Variants in MINDY2 observed in about 807,000 individuals in gnomAD.
The protein encoded by MINDY2 is MINDY lysine 48 deubiquitinase 2.
MINDY2 carries 52 observed loss-of-function variants against 68.2 expected under a neutral mutation model. The ratio of observed to expected loss-of-function variants is 0.76; its 90% CI spans 0.61 to 0.96. MINDY2 has a LOEUF of 0.96. MINDY2 is among the 40% of genes least tolerant of loss of function. MINDY2 has a pLI of 0.00. For synonymous variants in MINDY2, 372 were observed against 303.0 expected, an observed-to-expected ratio of 1.23 and a Z score of -2.36; for missense variants, 881 against 773.4, an observed-to-expected ratio of 1.14 and a Z score of -1.65.
intron 2 of MINDY2, among the ~76,000 whole-genome samples, chr15:58,791,830 G>A (rs1413765498): frequency 2.6e-5 from 4 of 152,060 alleles, no homozygotes; most frequent in African/African-American, 4.8e-5. Flanking sequence ...GATTGGGTGA[G>A]ATCATTAAGG....
In MINDY2 at chr15:58,788,887, C is replaced by T. The variant is rs1901686758; in HGVS notation, c.898+924C>T. On this transcript the variant is annotated intron_variant, in intron 2 of 8. Transcript: ENST00000559228. ...ATTAGCCAGGCGTGGTGTCATGCAC[C>T]TATAGTCCCAACTATTCGGGAGGCT... is the stretch of plus-strand genomic sequence containing the variant. Among the ~76,000 whole-genome samples, 3 of 152,118 alleles carry T rather than the reference C, an allele frequency of 2.0e-5. No individual in the cohort carries two copies. In the South Asian group the frequency reaches 6.2e-4, roughly 31 times the overall value.
At chr15:58,832,429 A>G (rs1051297643) in intron 6 of MINDY2, among the ~76,000 whole-genome samples, 3 of 151,288 alleles carry the variant, frequency 2.0e-5, no homozygotes, top group Middle Eastern at 3.6e-3. Context: ...GGGTTTCTCC[A>G]TGTTGGTCAG....
rs2033169955 is a variant in MINDY2 at position 58,859,933 on chromosome 15, G to C, written c.*5323G>C. Reference sequence around the variant, plus strand: ...GTTTTGTCCTATTGTCCTGAGAAAGGAGATTTAGACTTGTCTGCCTAACAC... The same window carrying C: ...GTTTTGTCCTATTGTCCTGAGAAAGCAGATTTAGACTTGTCTGCCTAACAC... On this transcript the variant is annotated 3_prime_UTR_variant, in exon 9 of 9. Coordinates refer to ENST00000559228, the MANE Select transcript of MINDY2 (RefSeq NM_001040450.3). The C allele has an allele frequency of 6.6e-6, 1 of 152,110 alleles. No homozygotes were observed. Among genetic ancestry groups the C allele is most frequent in the Admixed American group, 6.5e-5 (1 of 15,276 alleles). 9.4% of individuals were successfully genotyped at this position (152,110 alleles called of 1,614,324 possible).
chr15:58,847,121 G>A (rs189098403), intron 6 of MINDY2, among the ~76,000 whole-genome samples, 176 bp from the exon 7 acceptor site: 2 of 152,266 alleles, frequency 1.3e-5, no homozygotes, highest in South Asian at 2.1e-4. Context: ...ATTCAAAGCC[G>A]AGTGGATTTG....
rs1464377781 is a variant in MINDY2 at position 58,771,910 on chromosome 15, G to T, written c.515G>T (p.Ser172Ile). Residue 172 changes from serine to isoleucine, a missense_variant, in exon 1 of 9, where the codon AGC (serine) becomes ATC (isoleucine). Ser to Ile is a moderately radical substitution (Grantham distance 142). Coordinates refer to ENST00000559228, the MANE Select transcript of MINDY2 (RefSeq NM_001040450.3). ...CCGAGCCCTCCTGGGGAATCTCCGA[G>T]CCTGGACTCTCTGGAGTCGTTCTCT... is the stretch of plus-strand genomic sequence containing the variant. ...SDPSPPGESP[S>I]LDSLESFSNL... The T allele has an allele frequency of 3.2e-6, 5 of 1,559,250 alleles. No homozygotes were observed. Among genetic ancestry groups the T allele is most frequent in the Non-Finnish European group, 4.3e-6 (5 of 1,154,398 alleles).
chr15:58,810,155 T>C, intron 3 of MINDY2, 75 bp from the exon 4 acceptor site: 1 of 1,277,552 alleles, frequency 7.8e-7, no homozygotes, highest in South Asian at 1.5e-5. Flanking sequence ...AAAGTAAATG[T>C]GCTTGTACTT....
At position 58,857,206 on chromosome 15, in the gene MINDY2, A is replaced by C. The variant is rs559469584; in HGVS notation, c.*2596A>C. The stretch of plus-strand genomic sequence containing the variant: ...GAAAGATGAAATGTTCAATTGTATT[A>C]AAACAAACAAGCTTTTCAGAGATAC... On this transcript the variant is annotated 3_prime_UTR_variant, in exon 9 of 9. Coordinates refer to ENST00000559228, the MANE Select transcript of MINDY2 (RefSeq NM_001040450.3). 1 of 152,316 alleles carries C rather than the reference A, an allele frequency of 6.6e-6. No individual in the cohort carries two copies. Among genetic ancestry groups the C allele is most frequent in the African/African-American group, 2.4e-5 (1 of 41,572 alleles). 9.4% of individuals were successfully genotyped at this position (152,316 alleles called of 1,614,324 possible). A position where few individuals can be genotyped will look rare whatever the true frequency, so the allele number is the denominator to read the frequency against.
rs74722595 is a variant in MINDY2 at position 58,777,804 on chromosome 15, A to G, written c.840+5569A>G. Among the ~76,000 whole-genome samples, 1,012 of 152,098 alleles carry G rather than the reference A, an allele frequency of 6.7e-3. 8 individuals are homozygous for G. The highest frequency in any genetic ancestry group is 0.023 in the African/African-American group (959 of 41,500). ...TATTTTTCCTTTTTGTTGTTTTTTT[A>G]TGGAGACGGGGTCTCACTATAGTGC... On this transcript the variant is annotated intron_variant, in intron 1 of 8. Transcript: ENST00000559228.
At chr15:58,844,559 C>CAAA (rs34592774) in intron 6 of MINDY2, among the ~76,000 whole-genome samples, 18 of 66,892 alleles carry the variant, frequency 2.7e-4, no homozygotes, top group African/African-American at 6.6e-4. Flanking sequence ...GACTCCGTCT[C>CAAA]AAAAAAAAAA....
At position 58,803,267 on chromosome 15, in the gene MINDY2, C is replaced by T. The variant is rs569019253; in HGVS notation, c.963+890C>T. ...AGATCACGAAGTCAGGAGATGGAGA[C>T]CATCCTTGTCAACATGGTGAAACCC... is the stretch of plus-strand genomic sequence containing the variant. On this transcript the variant is annotated intron_variant, in intron 3 of 8. Coordinates refer to ENST00000559228, the MANE Select transcript of MINDY2 (RefSeq NM_001040450.3). Among the ~76,000 whole-genome samples, 3 of 143,828 alleles carry T rather than the reference C, an allele frequency of 2.1e-5. No individual in the cohort carries two copies. The South Asian group carries it at 6.7e-4, about 32-fold the overall frequency. The allele number at this position is 143,828 out of a possible 152,430, so 94.4% of individuals were successfully genotyped here. A position where few individuals can be genotyped will look rare whatever the true frequency, so the allele number is the denominator to read the frequency against.
intron 4 of MINDY2, chr15:58,817,726 A>G (rs539069365): frequency 1.3e-5 from 2 of 152,090 alleles, no homozygotes; most frequent in Non-Finnish European, 2.9e-5. Context: ...TGTCTCAAAA[A>G]ACAAAAATAA....
Position 58,828,690 on chromosome 15 carries a change from A to AG in MINDY2, c.1226-3083dup, listed in dbSNP as rs1371930714. ...ATTCTCCTGCCTCAGCCTCCCGGGT[A>AG]GCTGGGACTACAGGCGCCTGCCACC... On this transcript the variant is annotated intron_variant, in intron 5 of 8. Transcript: ENST00000559228. 1.2e-4 allele frequency among the ~76,000 whole-genome samples: 17 copies of AG among 144,900 alleles called. No homozygotes were observed. In the South Asian group the frequency reaches 3.2e-3, roughly 27 times the overall value.
chr15:58,792,335 C>T (rs999372407), intron 2 of MINDY2, among the ~76,000 whole-genome samples: 5 of 152,324 alleles, frequency 3.3e-5, no homozygotes, highest in South Asian at 4.1e-4. Context: ...AGGCCACACG[C>T]GGTGGCTTAC....
chr15:58,785,078 T>G lies in MINDY2; in HGVS notation c.841-2828T>G, dbSNP rs529458582. 2.7e-5 allele frequency among the ~76,000 whole-genome samples: 4 copies of G among 146,354 alleles called. No homozygotes were observed. In the East Asian group the frequency reaches 8.0e-4, roughly 29 times the overall value. On this transcript the variant is annotated intron_variant, in intron 1 of 8. Transcript: ENST00000559228. Reference sequence around the variant, plus strand: ...AAAGACAAAGGAGTACAAGCCTTATTAGGTCATTAAGAAAACCCTTGGCAC... The same window carrying G: ...AAAGACAAAGGAGTACAAGCCTTATGAGGTCATTAAGAAAACCCTTGGCAC...
chr15:58,811,192 A>G (rs2140975983), intron 4 of MINDY2, among the ~76,000 whole-genome samples: 1 of 152,348 alleles, frequency 6.6e-6, no homozygotes, highest in South Asian at 2.1e-4. Context: ...CTCTTTGGGC[A>G]AGACCGTATT....
intron 1 of MINDY2, among the ~76,000 whole-genome samples, chr15:58,783,571 T>G (rs1901296498): frequency 6.6e-6 from 1 of 152,154 alleles, no homozygotes; most frequent in Non-Finnish European, 1.5e-5. Flanking sequence ...AACAGAAGGT[T>G]TTGTTGTTAG....
rs1160399011 is a variant in MINDY2, at chr15:58,855,745, A to T, written c.*1135A>T. The T allele has an allele frequency of 6.6e-6, 1 of 152,172 alleles. No individual in the cohort carries two copies. Among genetic ancestry groups the T allele is most frequent in the Non-Finnish European group, 1.5e-5 (1 of 68,058 alleles). 9.4% of individuals were successfully genotyped at this position (152,172 alleles called of 1,614,324 possible). ...AGACCAGCCTGGCCAGCATGGTGAAACCCTGTCTCTACTAAAAATACAAAA... is the reference window on the plus strand; with the variant it reads ...AGACCAGCCTGGCCAGCATGGTGAATCCCTGTCTCTACTAAAAATACAAAA... On this transcript the variant is annotated 3_prime_UTR_variant, in exon 9 of 9. Transcript: ENST00000559228.
chr15:58,810,308 G>C lies in MINDY2; in HGVS notation c.1042G>C (p.Val348Leu). 6.2e-7 allele frequency: 1 copy of C among 1,613,892 alleles called. No individual in the cohort carries two copies. The highest frequency in any genetic ancestry group is 8.5e-7 in the Non-Finnish European group (1 of 1,179,908). Reference sequence around the variant, plus strand: ...AAATGTAAGATTCACTGGTGTTCGAGTGTTTGAATATACACCAGAATGCAT... The same window carrying C: ...AAATGTAAGATTCACTGGTGTTCGACTGTTTGAATATACACCAGAATGCAT... ...DVNVRFTGVR[V>L]FEYTPECIVF... The change falls in exon 4 of 9, where the codon GTG becomes CTG. Residue 348 changes from valine (V) to leucine (L), a missense_variant. Coordinates refer to ENST00000559228, the MANE Select transcript of MINDY2 (RefSeq NM_001040450.3).
chr15:58,845,389 G>A (rs1216183940), intron 6 of MINDY2, among the ~76,000 whole-genome samples: 1 of 152,156 alleles, frequency 6.6e-6, no homozygotes, highest in East Asian at 1.9e-4. Context: ...CTGGGCAACA[G>A]AATGAGACTC....
Sources: gnomAD v4.1 joint callset for allele counts (sites outside exome capture counted in the v4.1 genomes callset) on GRCh38, gnomAD v4.1.1 for gene constraint, MANE v1.5 for transcripts, NCBI Gene and HGNC (gene_info 2026-07-23, HGNC 2026-07-21) for gene names.